The following WWOX variants were observed in gnomAD, a reference collection of about 807,000 sequenced individuals.
WWOX encodes the protein WW domain-containing oxidoreductase.
Under a neutral mutation model 46.2 loss-of-function variants are expected in WWOX, and 69 were observed. The ratio of observed to expected loss-of-function variants is 1.49; its 90% confidence interval spans 1.23 to 1.82. The LOEUF (loss-of-function observed/expected upper bound fraction) is 1.82, where lower values mean the gene tolerates loss of function less well. WWOX is among the 40% of genes most tolerant of loss of function. WWOX has a pLI of 0.00. For synonymous variants in WWOX, 359 were observed against 202.6 expected, an observed-to-expected ratio of 1.77 and a Z score of -6.56; for missense variants, 919 against 542.6, an observed-to-expected ratio of 1.69 and a Z score of -6.89.
rs562455757 is a variant in WWOX, at chr16:78,586,048, C to A, written c.1056+153296C>A. The stretch of plus-strand genomic sequence containing the variant: ...TGTCATCTCTACCAAAAAACAACAA[C>A]AACAAACAAACAGACAAACAAAATT... On this transcript the variant is annotated intron_variant, in intron 8 of 8. Transcript: ENST00000566780. Among the ~76,000 whole-genome samples the A allele has an allele frequency of 4.6e-5, 7 of 151,842 alleles. No individual in the cohort carries two copies. The South Asian group carries it at 1.5e-3, about 32-fold the overall frequency.
chr16:78,262,177 T>TAATTCACCCTGGAAAGGAGGA (rs2079260787), intron 5 of WWOX, among the ~76,000 whole-genome samples: 1 of 149,788 alleles, frequency 6.7e-6, no homozygotes. Context: ...ATAGTACCAG[T>TAATTCACCCTGGAAAGGAGGA]TGGTTGTAAG....
At chr16:78,406,756 A>G (rs1429951578) in intron 6 of WWOX, among the ~76,000 whole-genome samples, 1 of 151,376 alleles carries the variant, frequency 6.6e-6, no homozygotes, top group African/African-American at 2.4e-5. Flanking sequence ...CCTCCCCAGT[A>G]GCTGGGATTA....
At chr16:78,610,082 G>C (rs1381595563) in intron 8 of WWOX, among the ~76,000 whole-genome samples, 1 of 151,580 alleles carries the variant, frequency 6.6e-6, no homozygotes, top group Non-Finnish European at 1.5e-5. Flanking sequence ...GCTTCAGCAA[G>C]GTTTCTTTGC....
At chr16:78,139,785 A>G (rs2033922305) in intron 4 of WWOX, among the ~76,000 whole-genome samples, 1 of 152,358 alleles carries the variant, frequency 6.6e-6, no homozygotes, top group Non-Finnish European at 1.5e-5. Context: ...ATGTGATTAC[A>G]AAGAGAGGGA....
At chr16:78,876,878 A>T (rs1005103426) in intron 8 of WWOX, among the ~76,000 whole-genome samples, 1 of 152,212 alleles carries the variant, frequency 6.6e-6, no homozygotes, top group Non-Finnish European at 1.5e-5. Context: ...TTGGGGCATA[A>T]AATAAGATAA....
chr16:78,497,501 A>G (rs2084946000), intron 8 of WWOX, among the ~76,000 whole-genome samples: 1 of 148,876 alleles, frequency 6.7e-6, no homozygotes, highest in Non-Finnish European at 1.5e-5. Context: ...TCTTTACAGA[A>G]AGGAAGCAAT....
chr16:78,558,349 T>G (rs1039034621), intron 8 of WWOX, among the ~76,000 whole-genome samples: 1 of 152,380 alleles, frequency 6.6e-6, no homozygotes. Context: ...TTGTTTTGGA[T>G]TTTTTAATGA....
intron 8 of WWOX, among the ~76,000 whole-genome samples, chr16:78,440,115 G>A (rs1340859871): frequency 6.6e-6 from 1 of 152,110 alleles, no homozygotes; most frequent in Non-Finnish European, 1.5e-5. Context: ...TGAGGAAAAA[G>A]GATAGGGTAA....
At chr16:78,532,861 G>T (rs553536927) in intron 8 of WWOX, among the ~76,000 whole-genome samples, 1 of 152,148 alleles carries the variant, frequency 6.6e-6, no homozygotes, top group Admixed American at 6.5e-5. Context: ...TTCAAGAAGA[G>T]ATTTGGGTGG....
chr16:79,029,149 G>A (rs1024793841), intron 8 of WWOX, among the ~76,000 whole-genome samples: 3 of 152,144 alleles, frequency 2.0e-5, no homozygotes, highest in African/African-American at 7.2e-5. Context: ...GATTGATGAA[G>A]GAGGGAGCCT....
intron 8 of WWOX, among the ~76,000 whole-genome samples, chr16:78,986,348 T>C (rs377704917): frequency 1.3e-5 from 2 of 152,210 alleles, no homozygotes; most frequent in East Asian, 3.8e-4. Context: ...CTCAGAGCTT[T>C]ATGAAGGCAT....
At chr16:78,157,203 G>A (rs887650480) in intron 4 of WWOX, among the ~76,000 whole-genome samples, 5 of 152,054 alleles carry the variant, frequency 3.3e-5, no homozygotes, top group African/African-American at 9.7e-5. Context: ...GTGAAGTCCC[G>A]GGCTCCCAAA....
intron 7 of WWOX, among the ~76,000 whole-genome samples, chr16:78,431,484 T>C (rs1431166546): frequency 2.0e-5 from 3 of 152,292 alleles, no homozygotes; most frequent in East Asian, 3.9e-4. Context: ...GAAAGCCCTG[T>C]CAAAGGTTAG....
intron 8 of WWOX, among the ~76,000 whole-genome samples, chr16:78,652,384 G>C (rs2161721): frequency 0.42 from 61,656 of 145,382 alleles, 15,848 homozygotes; most frequent in Admixed American, 0.57. Flanking sequence ...ACTCCAGCCT[G>C]GGTGACAGAG....
intron 8 of WWOX, among the ~76,000 whole-genome samples, chr16:78,951,224 T>A (rs2046053111): frequency 6.6e-6 from 1 of 152,222 alleles, no homozygotes; most frequent in Non-Finnish European, 1.5e-5. Context: ...TCTATTTCTC[T>A]GCATCTCTCA....
intron 5 of WWOX, among the ~76,000 whole-genome samples, chr16:78,321,305 TATATATATGC>T (rs770931101): frequency 0.042 from 3,594 of 84,778 alleles, 194 homozygotes; most frequent in Non-Finnish European, 0.07. Context: ...TATATATACG[TATATATATGC>T]GTATATATAT....
At chr16:78,594,110 C>T (rs80322440) in intron 8 of WWOX, among the ~76,000 whole-genome samples, 1 of 152,190 alleles carries the variant, frequency 6.6e-6, no homozygotes, top group African/African-American at 2.4e-5. Flanking sequence ...CACTTCTCAA[C>T]TCCTTCTCAA....
chr16:78,758,396 C>G (rs759476502), intron 8 of WWOX, among the ~76,000 whole-genome samples: 6 of 152,162 alleles, frequency 3.9e-5, no homozygotes, highest in Non-Finnish European at 7.4e-5. Context: ...GGAATAATAA[C>G]TATGTCACCA....
At chr16:78,302,967 C>G (rs897845499) in intron 5 of WWOX, among the ~76,000 whole-genome samples, 3 of 152,178 alleles carry the variant, frequency 2.0e-5, no homozygotes, top group Admixed American at 1.3e-4. Flanking sequence ...AGAACATCAT[C>G]AGACCCAGAG....
Sources: gnomAD v4.1 joint callset for allele counts (sites outside exome capture counted in the v4.1 genomes callset) on GRCh38, gnomAD v4.1.1 for gene constraint, MANE v1.5 for transcripts, NCBI Gene and HGNC (gene_info 2026-07-23, HGNC 2026-07-21) for gene names.